The following B3GALT1 variants were observed in gnomAD, a reference collection of about 807,000 sequenced individuals.
The protein encoded by B3GALT1 is UDP-Gal:betaGlcNAc beta 1,3-galactosyltransferase, polypeptide 1.
B3GALT1 carries 10 observed loss-of-function variants against 23.2 expected under a neutral mutation model. The observed-to-expected ratio is 0.43, with a 90% CI of 0.27 to 0.73. The LOEUF (loss-of-function observed/expected upper bound fraction) is 0.73, where lower values mean the gene tolerates loss of function less well. Among genes scored for constraint, B3GALT1 ranks in the 30% least tolerant of loss-of-function variants. The pLI is 0.21. For missense variants in B3GALT1, 299 were observed against 405.4 expected (o/e 0.74, Z 2.25); for synonymous variants, 156 against 141.5 (o/e 1.10, Z -0.73).
At chr2:167,494,336 C>T (rs1300955376) in intron 2 of B3GALT1, among the ~76,000 whole-genome samples, 1 of 130,736 alleles carries the variant, frequency 7.6e-6, no homozygotes, top group Non-Finnish European at 1.6e-5. Flanking sequence ...AGACTCCTCT[C>T]AAAAAAAAAA....
intron 2 of B3GALT1, among the ~76,000 whole-genome samples, chr2:167,563,194 C>T (rs1350576957): frequency 6.6e-6 from 1 of 151,494 alleles, no homozygotes; most frequent in African/African-American, 2.4e-5. Flanking sequence ...GGTGGCCGGG[C>T]AGAGGGGCTC....
intron 2 of B3GALT1, among the ~76,000 whole-genome samples, chr2:167,604,080 C>G (rs1684920837): frequency 6.6e-6 from 1 of 152,032 alleles, no homozygotes; most frequent in South Asian, 2.1e-4. Flanking sequence ...ACTGAATGTA[C>G]TTTTTATACT....
chr2:167,627,307 T>A (rs112823784), intron 2 of B3GALT1, among the ~76,000 whole-genome samples: 222 of 151,920 alleles, frequency 1.5e-3, no homozygotes, highest in African/African-American at 4.6e-3. Context: ...CTTATGCTCC[T>A]TTATAATCAG....
intron 2 of B3GALT1, among the ~76,000 whole-genome samples, chr2:167,603,495 T>C (rs1048889538): frequency 6.6e-6 from 1 of 152,220 alleles, no homozygotes; most frequent in Non-Finnish European, 1.5e-5. Flanking sequence ...ATAAAGGAGA[T>C]GGAAGTTCTG....
intron 3 of B3GALT1, among the ~76,000 whole-genome samples, chr2:167,775,544 G>A (rs1340681802): frequency 6.7e-6 from 1 of 148,772 alleles, no homozygotes; most frequent in Non-Finnish European, 1.5e-5. Flanking sequence ...ACTCTAGCTG[G>A]GACAACAGAG....
intron 3 of B3GALT1, among the ~76,000 whole-genome samples, chr2:167,700,889 AG>A (rs1686871706): frequency 6.6e-6 from 1 of 152,174 alleles, no homozygotes; most frequent in Non-Finnish European, 1.5e-5. Flanking sequence ...GATATCTCCA[AG>A]AAAGTGTGAC....
intron 3 of B3GALT1, among the ~76,000 whole-genome samples, chr2:167,701,697 G>C (rs1274740023): frequency 6.6e-6 from 1 of 152,136 alleles, no homozygotes; most frequent in Non-Finnish European, 1.5e-5. Flanking sequence ...ATAAATCAGT[G>C]GTTCTGCATA....
intron 2 of B3GALT1, among the ~76,000 whole-genome samples, chr2:167,565,795 A>T (rs576282237): frequency 1.7e-3 from 262 of 152,278 alleles, no homozygotes; most frequent in Non-Finnish European, 3.0e-3. Context: ...TCAAAACCAC[A>T]ATGAGATACC....
chr2:167,523,546 C>G (rs1218620939), intron 2 of B3GALT1, among the ~76,000 whole-genome samples: 3 of 152,068 alleles, frequency 2.0e-5, no homozygotes, highest in Admixed American at 6.6e-5. Context: ...CTGCCTCAGC[C>G]TCCCAAGTAG....
chr2:167,548,865 T>A (rs530094901), intron 2 of B3GALT1, among the ~76,000 whole-genome samples: 21 of 152,298 alleles, frequency 1.4e-4, no homozygotes, highest in African/African-American at 5.1e-4. Context: ...TTGTCTTTTT[T>A]TATTATTTGT....
chr2:167,709,112 G>A (rs1387949651), intron 3 of B3GALT1, among the ~76,000 whole-genome samples: 5 of 152,322 alleles, frequency 3.3e-5, no homozygotes, highest in Admixed American at 1.3e-4. Flanking sequence ...AGCAGACAAA[G>A]CAAGCAGACT....
At chr2:167,861,118 C>T (rs921738098) in intron 4 of B3GALT1, among the ~76,000 whole-genome samples, 2 of 152,092 alleles carry the variant, frequency 1.3e-5, no homozygotes, top group Non-Finnish European at 2.9e-5. Context: ...GATGCCAAAC[C>T]ATCATGATTT....
chr2:167,322,469 A>G (rs1232041968), intron 1 of B3GALT1, among the ~76,000 whole-genome samples: 2 of 152,046 alleles, frequency 1.3e-5, no homozygotes, highest in Non-Finnish European at 2.9e-5. Flanking sequence ...CATGTATAAA[A>G]TAATAGTTTT....
At chr2:167,408,083 A>G (rs1261239291) in intron 1 of B3GALT1, among the ~76,000 whole-genome samples, 1 of 148,452 alleles carries the variant, frequency 6.7e-6, no homozygotes, top group Non-Finnish European at 1.5e-5. Flanking sequence ...GACACACAAA[A>G]CTACAGGCCA....
In B3GALT1 at chr2:167,413,979, A is replaced by G. The variant is rs150171209; in HGVS notation, c.-510-76198A>G. Among the ~76,000 whole-genome samples the G allele has an allele frequency of 3.8e-3, 577 of 152,270 alleles. 1 individual carries two copies. The highest frequency in any genetic ancestry group is 0.013 in the African/African-American group (545 of 41,582). On this transcript the variant is annotated intron_variant, in intron 1 of 4. Transcript: ENST00000392690. ...TTACTGCAATTGATATATTTAATATATCAGTATTGTAAAGGAAAGCAGATA... is the reference window on the plus strand; with the variant it reads ...TTACTGCAATTGATATATTTAATATGTCAGTATTGTAAAGGAAAGCAGATA...
chr2:167,584,979 C>T (rs1020132929), intron 2 of B3GALT1, among the ~76,000 whole-genome samples: 8 of 152,128 alleles, frequency 5.3e-5, no homozygotes, highest in Admixed American at 1.3e-4. Context: ...TTTTGCCCCC[C>T]GTCTCATCCC....
Position 167,872,618 on chromosome 2 carries a change from G to A in B3GALT1, c.*2598G>A, listed in dbSNP as rs1404240740. The A allele has an allele frequency of 6.6e-6, 1 of 152,098 alleles. No individual in the cohort carries two copies. The highest frequency in any genetic ancestry group is 1.5e-5 in the Non-Finnish European group (1 of 68,042). 9.4% of individuals were successfully genotyped at this position (152,098 alleles called of 1,614,324 possible). On this transcript the variant is annotated 3_prime_UTR_variant, in exon 5 of 5. Coordinates refer to ENST00000392690, the MANE Select transcript of B3GALT1 (RefSeq NM_020981.4). ...CCCCATGCTCAGTCAAACCACCTCT[G>A]GTGTCAAGAAATTACACATTATAAA...
intron 1 of B3GALT1, among the ~76,000 whole-genome samples, chr2:167,408,616 G>A (rs1698345979): frequency 6.6e-6 from 1 of 151,866 alleles, no homozygotes; most frequent in African/African-American, 2.4e-5. Context: ...AAAACTGTTA[G>A]AACTAATAAA....
chr2:167,579,430 G>GTTTTTTTTTTTTTTTTTTTT (rs1553469287), intron 2 of B3GALT1, among the ~76,000 whole-genome samples: 1 of 63,628 alleles, frequency 1.6e-5, no homozygotes, highest in African/African-American at 1.2e-4. Context: ...GTTTTTTTTT[G>GTTTTTTTTTTTTTTTTTTTT]TCTTTTTTTT....
Sources: allele counts gnomAD v4.1 joint callset (sites outside exome capture counted in the v4.1 genomes callset), GRCh38; gene constraint gnomAD v4.1.1; transcripts MANE v1.5; gene names NCBI Gene and HGNC (gene_info 2026-07-23, HGNC 2026-07-21).